CDH5: variants seen among roughly 807,000 people sequenced by gnomAD.
CDH5 encodes cadherin-5.
CDH5 carries 28 observed loss-of-function variants against 62.0 expected under a neutral mutation model. The observed-to-expected ratio is 0.45, with a 90% CI of 0.33 to 0.62. CDH5 has a LOEUF of 0.62. CDH5 is among the 20% of genes least tolerant of loss of function. The pLI, the probability that CDH5 is intolerant of heterozygous loss-of-function variation, is 0.02. For missense variants in CDH5, 940 were observed against 1,065.1 expected, an observed-to-expected ratio of 0.88 and a Z score of 1.63; for synonymous variants, 464 against 445.8, an observed-to-expected ratio of 1.04 and a Z score of -0.52.
chr16:66,381,354 T>G (rs1960895457), intron 2 of CDH5, among the ~76,000 whole-genome samples: 1 of 152,156 alleles, frequency 6.6e-6, no homozygotes, highest in African/African-American at 2.4e-5. Flanking sequence ...CCCATCCTCC[T>G]AGAGCTCAGA....
chr16:66,398,487 A>G lies in CDH5; in HGVS notation c.1517A>G (p.Asp506Gly). 2 of 1,609,542 alleles carry G rather than the reference A, an allele frequency of 1.2e-6. 1 individual carries two copies. Among genetic ancestry groups the G allele is most frequent in the Non-Finnish European group, 1.7e-6 (2 of 1,175,718 alleles). ...LVLQISAIDK[D>G]ITPRNVKFKF... is the part of the protein sequence containing the mutation. Reference sequence around the variant, plus strand: ...CTGCAGATCTCCGCAATAGACAAGGACATAACACCACGAAACGTGAAGTTC... The same window carrying G: ...CTGCAGATCTCCGCAATAGACAAGGGCATAACACCACGAAACGTGAAGTTC... Residue 506 changes from aspartate to glycine, a missense_variant, in exon 10 of 12, where the codon GAC becomes GGC. By Grantham distance (94) the Asp-to-Gly change is moderately conservative. Coordinates refer to ENST00000341529, the MANE Select transcript of CDH5 (RefSeq NM_001795.5).
chr16:66,400,857 A>T lies in CDH5; in HGVS notation c.1678A>T (p.Asn560Tyr), dbSNP rs777562881. ...CTTCCTACCCGTGGTCATCTCAGAC[A>T]ATGGGATGCCAAGTCGCACGGGCAC... ...VHFLPVVISD[N>Y]GMPSRTGTST... is the part of the protein sequence containing the mutation. Residue 560 changes from asparagine to tyrosine, a missense_variant, in exon 11 of 12, where the codon AAT (asparagine) becomes TAT (tyrosine). By Grantham distance (143) the Asn-to-Tyr change is moderately radical. Transcript: ENST00000341529. 1 of 1,614,194 alleles carries T rather than the reference A, an allele frequency of 6.2e-7. No homozygotes were observed.
At chr16:66,370,662 C>T (rs1176160202) in intron 1 of CDH5, among the ~76,000 whole-genome samples, 1 of 152,208 alleles carries the variant, frequency 6.6e-6, no homozygotes, top group East Asian at 1.9e-4. Flanking sequence ...GCAGATAGGC[C>T]AGGAGGCAGA....
intron 3 of CDH5, among the ~76,000 whole-genome samples, chr16:66,387,851 A>T (rs1961013316): frequency 6.6e-6 from 1 of 152,098 alleles, no homozygotes; most frequent in Admixed American, 6.5e-5. Flanking sequence ...CCTCTTCAGT[A>T]CACCTCAGAC....
chr16:66,384,802 C>T (rs956550931), intron 2 of CDH5, among the ~76,000 whole-genome samples: 14 of 151,870 alleles, frequency 9.2e-5, no homozygotes, highest in African/African-American at 3.4e-4. Flanking sequence ...CCTGTCTCTA[C>T]TAAAAATAGA....
intron 2 of CDH5, among the ~76,000 whole-genome samples, chr16:66,382,847 C>T (rs565877251): frequency 4.6e-5 from 7 of 152,294 alleles, no homozygotes; most frequent in Non-Finnish European, 1.0e-4. Flanking sequence ...AAGGTCAGAG[C>T]CTGGAGCCTT....
At position 66,386,973 on chromosome 16, in the gene CDH5, G is replaced by A; in HGVS notation, c.375G>A (p.Lys125=). ...ACCTCACTGCTGTCATTGTGGACAAGGACACTGGCGAAAACCTGGAGACTC... is the reference window on the plus strand; with the variant it reads ...ACCTCACTGCTGTCATTGTGGACAAAGACACTGGCGAAAACCTGGAGACTC... ...EYHLTAVIVD[K]DTGENLETPS... The change falls in exon 3 of 12, where the codon AAG becomes AAA. Residue 125 remains lysine, a synonymous_variant. Transcript: ENST00000341529. The A allele has an allele frequency of 6.2e-7, 1 of 1,614,134 alleles. No homozygotes were observed. Among genetic ancestry groups the A allele is most frequent in the Non-Finnish European group, 8.5e-7 (1 of 1,179,968 alleles).
chr16:66,370,020 G>A (rs567439723), intron 1 of CDH5, among the ~76,000 whole-genome samples: 51 of 151,872 alleles, frequency 3.4e-4, no homozygotes, highest in African/African-American at 1.2e-3. Flanking sequence ...TTGTTTTTGA[G>A]ACAGAGTTTT....
intron 2 of CDH5, among the ~76,000 whole-genome samples, chr16:66,383,658 C>T (rs983413247): frequency 6.6e-6 from 1 of 152,100 alleles, no homozygotes; most frequent in Non-Finnish European, 1.5e-5. Flanking sequence ...CCACTGTCCT[C>T]GCAGGTCACA....
At chr16:66,401,681 G>A (rs989807689) in intron 11 of CDH5, among the ~76,000 whole-genome samples, 2 of 152,204 alleles carry the variant, frequency 1.3e-5, no homozygotes, top group East Asian at 1.9e-4. Flanking sequence ...GGAGGCCAGC[G>A]AAGGTGGAAT....
At position 66,387,075 on chromosome 16, in the gene CDH5, C is replaced by T. The variant is rs781701460; in HGVS notation, c.477C>T (p.Ser159=). The T allele has an allele frequency of 1.3e-5, 21 of 1,612,598 alleles. No homozygotes were observed. The highest frequency in any genetic ancestry group is 6.7e-5 in the African/African-American group (5 of 74,888). The stretch of plus-strand genomic sequence containing the variant: ...TCACGCATCGGTTGTTCAATGCGTC[C>T]GTGCCTGAGTCGTCGGCTGTGGGTA... ...PVFTHRLFNA[S]VPESSAVGTS... Residue 159 remains serine (S), a synonymous_variant, in exon 3 of 12, where the codon TCC becomes TCT. Transcript: ENST00000341529.
chr16:66,398,430 A>T, intron 9 of CDH5, 26 bp from the exon 10 acceptor site: 1 of 1,412,256 alleles, frequency 7.1e-7, no homozygotes, highest in South Asian at 1.1e-5. Context: ...ACCATCACTG[A>T]CCATCTCCTG....
At chr16:66,399,597 C>A (rs1488708349) in intron 10 of CDH5, among the ~76,000 whole-genome samples, 2 of 152,168 alleles carry the variant, frequency 1.3e-5, no homozygotes, top group Non-Finnish European at 2.9e-5. Flanking sequence ...CAATGACAGA[C>A]CATTCAACAC....
chr16:66,394,473 CCTT>C (rs1420781008), intron 7 of CDH5, among the ~76,000 whole-genome samples: 1 of 151,914 alleles, frequency 6.6e-6, no homozygotes, highest in African/African-American at 2.4e-5. Context: ...GTTTGATGTT[CCTT>C]CTTTTATCTT....
chr16:66,375,072 A>G (rs1960761008), intron 1 of CDH5, among the ~76,000 whole-genome samples: 1 of 152,132 alleles, frequency 6.6e-6, no homozygotes, highest in Non-Finnish European at 1.5e-5. Flanking sequence ...TACACAAAGA[A>G]ATCTGGATCG....
At chr16:66,371,239 A>C (rs1237092967) in intron 1 of CDH5, among the ~76,000 whole-genome samples, 1 of 152,214 alleles carries the variant, frequency 6.6e-6, no homozygotes, top group Non-Finnish European at 1.5e-5. Flanking sequence ...ACTGGGTCCC[A>C]GCCCCAACCT....
intron 7 of CDH5, among the ~76,000 whole-genome samples, chr16:66,394,145 TTTCTA>T (rs1961134587): frequency 6.6e-6 from 1 of 152,208 alleles, no homozygotes; most frequent in Admixed American, 6.5e-5. Flanking sequence ...TATTTAAATT[TTTCTA>T]TTCAGTTAAC....
intron 7 of CDH5, chr16:66,395,503 C>CTTTTTTTTTTTTTTTTTTTTTTTTTT (rs56675642): frequency 6.7e-3 from 545 of 80,760 alleles, no homozygotes; most frequent in Non-Finnish European, 7.6e-3. Context: ...CTTTTCTTTT[C>CTTTTTTTTTTTTTTTTTTTTTTTTTT]TTTTTTTTTT....
intron 4 of CDH5, among the ~76,000 whole-genome samples, chr16:66,389,120 CT>C (rs1381385443): frequency 6.6e-6 from 1 of 152,214 alleles, no homozygotes; most frequent in Non-Finnish European, 1.5e-5. Flanking sequence ...GCCTCATGGT[CT>C]TTGTCAACAC....
Sources: gnomAD v4.1 joint callset for allele counts (sites outside exome capture counted in the v4.1 genomes callset) on GRCh38, gnomAD v4.1.1 for gene constraint, MANE v1.5 for transcripts, NCBI Gene and HGNC (gene_info 2026-07-23, HGNC 2026-07-21) for gene names.